KHDRBS2: variants seen among roughly 807,000 people sequenced by gnomAD.
KHDRBS2 encodes KH RNA binding domain containing, signal transduction associated 2, also known as KH domain-containing, RNA-binding, signal transduction-associated protein 2.
A neutral mutation model predicts 44.3 loss-of-function variants in KHDRBS2; 26 were observed. That is an observed-to-expected ratio of 0.59 (90% CI 0.43 to 0.81). The LOEUF (loss-of-function observed/expected upper bound fraction) is 0.81, where lower values mean the gene tolerates loss of function less well. Among genes scored for constraint, KHDRBS2 ranks in the 40% least tolerant of loss-of-function variants. KHDRBS2 has a pLI of 0.00. For missense variants in KHDRBS2, 476 were observed against 433.1 expected (o/e 1.10, Z -0.88); for synonymous variants, 194 against 151.1 (o/e 1.28, Z -2.08).
At chr6:61,621,937 T>G in the KHDRBS2 span, among the ~76,000 whole-genome samples, 1 of 152,164 alleles carries the variant, frequency 6.6e-6, no homozygotes, top group Non-Finnish European at 1.5e-5. Flanking sequence ...AGCTTCACCA[T>G]AGAGATAGTA....
intron 2 of KHDRBS2, among the ~76,000 whole-genome samples, 165 bp from the exon 3 acceptor site, chr6:62,048,159 A>ACACAC (rs1386673344): frequency 2.2e-5 from 2 of 92,108 alleles, no homozygotes; most frequent in South Asian, 3.2e-4. Flanking sequence ...CACACACACA[A>ACACAC]ACCCCAAACC....
chr6:62,150,719 T>C (rs1413521812), intron 2 of KHDRBS2, among the ~76,000 whole-genome samples: 1 of 152,152 alleles, frequency 6.6e-6, no homozygotes, highest in Non-Finnish European at 1.5e-5. Context: ...GTTCTCTCAG[T>C]GTATATGTTG....
intron 6 of KHDRBS2, among the ~76,000 whole-genome samples, chr6:61,744,539 G>A (rs1776609510): frequency 6.6e-6 from 1 of 152,086 alleles, no homozygotes; most frequent in African/African-American, 2.4e-5. Flanking sequence ...ATAGCAAATT[G>A]TGTCTCCTAC....
chr6:62,199,655 C>G (rs1563050648), intron 1 of KHDRBS2, among the ~76,000 whole-genome samples: 1 of 152,184 alleles, frequency 6.6e-6, no homozygotes, highest in Non-Finnish European at 1.5e-5. Flanking sequence ...AACGGCCATA[C>G]TGCCCAAGGT....
chr6:62,102,703 C>A (rs1269672028), intron 2 of KHDRBS2, among the ~76,000 whole-genome samples: 1 of 152,150 alleles, frequency 6.6e-6, no homozygotes, highest in Non-Finnish European at 1.5e-5. Flanking sequence ...GGTGGGAAGA[C>A]TATAGTGTTA....
intron 2 of KHDRBS2, among the ~76,000 whole-genome samples, chr6:62,136,525 G>A (rs1228978710): frequency 6.6e-6 from 1 of 152,020 alleles, no homozygotes; most frequent in Non-Finnish European, 1.5e-5. Flanking sequence ...TCTTAATTTT[G>A]TATGACTGTC....
At chr6:62,215,546 G>A (rs188892807) in intron 1 of KHDRBS2, among the ~76,000 whole-genome samples, 1 of 151,802 alleles carries the variant, frequency 6.6e-6, no homozygotes, top group East Asian at 1.9e-4. Context: ...GAAGATGCCA[G>A]CCCCAACCAC....
chr6:61,582,632 G>C, the KHDRBS2 span, among the ~76,000 whole-genome samples: 1 of 151,472 alleles, frequency 6.6e-6, no homozygotes, highest in Non-Finnish European at 1.5e-5. Context: ...TATAAAGCTA[G>C]CATAACATTC....
At chr6:61,556,177 G>A in the KHDRBS2 span, among the ~76,000 whole-genome samples, 1 of 152,196 alleles carries the variant, frequency 6.6e-6, no homozygotes, top group Non-Finnish European at 1.5e-5. Context: ...TGGTGGCAGT[G>A]CAGGGGCATG....
intron 4 of KHDRBS2, among the ~76,000 whole-genome samples, chr6:61,922,829 T>C (rs1315555336): frequency 6.6e-6 from 1 of 152,054 alleles, no homozygotes; most frequent in Non-Finnish European, 1.5e-5. Context: ...CAGAATAAAG[T>C]TTGAGAATAT....
chr6:62,144,691 T>C (rs1813564920), intron 2 of KHDRBS2, among the ~76,000 whole-genome samples: 1 of 151,974 alleles, frequency 6.6e-6, no homozygotes, highest in African/African-American at 2.4e-5. Context: ...AAAAATAACA[T>C]CTAACCTAAC....
At chr6:61,750,347 T>A (rs1230562744) in intron 6 of KHDRBS2, among the ~76,000 whole-genome samples, 1 of 152,190 alleles carries the variant, frequency 6.6e-6, no homozygotes, top group East Asian at 1.9e-4. Flanking sequence ...ATACAAAGAC[T>A]GGTAAAGTGG....
chr6:61,869,803 C>T (rs1798347872), intron 6 of KHDRBS2, among the ~76,000 whole-genome samples: 1 of 152,072 alleles, frequency 6.6e-6, no homozygotes, highest in African/African-American at 2.4e-5. Flanking sequence ...GGGACTGAGC[C>T]TGAGGAACCG....
At chr6:62,070,353 T>C (rs1794722883) in intron 2 of KHDRBS2, among the ~76,000 whole-genome samples, 1 of 151,934 alleles carries the variant, frequency 6.6e-6, no homozygotes, top group Non-Finnish European at 1.5e-5. Context: ...TTTTCTTTTA[T>C]TATACTTTAA....
intron 6 of KHDRBS2, among the ~76,000 whole-genome samples, chr6:61,739,600 A>T (rs1775865584): frequency 6.6e-6 from 1 of 151,954 alleles, no homozygotes; most frequent in Non-Finnish European, 1.5e-5. Context: ...TATAGGTATA[A>T]CTAACTTTTA....
At chr6:62,102,498 C>A (rs1450701357) in intron 2 of KHDRBS2, among the ~76,000 whole-genome samples, 1 of 152,168 alleles carries the variant, frequency 6.6e-6, no homozygotes, top group East Asian at 1.9e-4. Flanking sequence ...GAGGTCTCGG[C>A]CCCAGAGGGC....
rs527537967 is a variant in KHDRBS2 at position 62,150,131 on chromosome 6, C to T, written c.219+27054G>A. The stretch of plus-strand genomic sequence containing the variant: ...GAGTCTTAGAGAGTCATCCAGCCAA[C>T]GGGAATTACTAGATTCAATCCAGCT... On this transcript the variant is annotated intron_variant, in intron 2 of 8. Transcript: ENST00000281156. Among the ~76,000 whole-genome samples the T allele has an allele frequency of 1.9e-3, 296 of 152,068 alleles. 1 individual carries two copies. In the Middle Eastern group the frequency reaches 0.034, roughly 17 times the overall value.
In KHDRBS2 at chr6:62,225,688, C is replaced by T. The variant is rs149029761; in HGVS notation, c.92-48376G>A. Among the ~76,000 whole-genome samples the T allele has an allele frequency of 4.7e-3, 718 of 152,080 alleles. 7 individuals are homozygous for T. The highest frequency in any genetic ancestry group is 0.016 in the African/African-American group (650 of 41,454). On this transcript the variant is annotated intron_variant, in intron 1 of 8. Coordinates refer to ENST00000281156, the MANE Select transcript of KHDRBS2 (RefSeq NM_152688.4). ...TTTTTTGTAATGCTTTCCTTACCCTCGGCCCCCACCCCCAACTGGCCCCCA... is the reference window on the plus strand; with the variant it reads ...TTTTTTGTAATGCTTTCCTTACCCTTGGCCCCCACCCCCAACTGGCCCCCA...
At chr6:61,964,863 C>T (rs1477159601) in intron 4 of KHDRBS2, among the ~76,000 whole-genome samples, 1 of 151,992 alleles carries the variant, frequency 6.6e-6, no homozygotes, top group Non-Finnish European at 1.5e-5. Flanking sequence ...TACAGTCTAC[C>T]AACAGGATAA....
Sources: gnomAD v4.1 joint callset for allele counts (sites outside exome capture counted in the v4.1 genomes callset) on GRCh38, gnomAD v4.1.1 for gene constraint, MANE v1.5 for transcripts, NCBI Gene and HGNC (gene_info 2026-07-23, HGNC 2026-07-21) for gene names.